Variants in SMIM24 observed in about 807,000 individuals in gnomAD.
SMIM24 encodes the protein small integral membrane protein 24, also known as MAP17-related dimer.
SMIM24 carries 6 observed loss-of-function variants against 10.8 expected under a neutral mutation model. The observed-to-expected ratio is 0.55, with a 90% confidence interval of 0.30 to 1.09. The LOEUF is 1.09. SMIM24 is among the 50% of genes least tolerant of loss of function. The pLI, the probability that SMIM24 is intolerant of heterozygous loss-of-function variation, is 0.06. For synonymous variants in SMIM24, 71 were observed against 62.4 expected (o/e 1.14, Z -0.65); for missense variants, 151 against 153.4 (o/e 0.98, Z 0.08).
At chr19:3,476,640 G>T (rs1294245160) in intron 3 of SMIM24, among the ~76,000 whole-genome samples, 1 of 152,124 alleles carries the variant, frequency 6.6e-6, no homozygotes, top group Non-Finnish European at 1.5e-5. Flanking sequence ...GGCACATCTT[G>T]GACTCAGCTG....
intron 1 of SMIM24, 125 bp downstream of exon 1, chr19:3,480,272 T>C: frequency 9.6e-7 from 1 of 1,038,726 alleles, no homozygotes; most frequent in Non-Finnish European, 1.4e-6. Context: ...GAGAAGGGCC[T>C]CCAAGCCACT....
intron 1 of SMIM24, among the ~76,000 whole-genome samples, chr19:3,479,714 T>A (rs1260113290): frequency 5.2e-4 from 34 of 65,918 alleles, no homozygotes; most frequent in African/African-American, 2.2e-3. Context: ...GCTTGTGAAC[T>A]AGGGGGCTCA....
At chr19:3,476,293 T>G (rs567071884) in intron 3 of SMIM24, among the ~76,000 whole-genome samples, 1 of 151,738 alleles carries the variant, frequency 6.6e-6, no homozygotes, top group African/African-American at 2.4e-5. Context: ...GATAGACTGA[T>G]GGATGGACAG....
chr19:3,475,216 T>G (rs1234463776), intron 3 of SMIM24, among the ~76,000 whole-genome samples: 1 of 152,016 alleles, frequency 6.6e-6, no homozygotes, highest in Non-Finnish European at 1.5e-5. Flanking sequence ...GATGGATGGA[T>G]GGACATAAGC....
In SMIM24 at chr19:3,477,464, A is replaced by T. The variant is rs574800226; in HGVS notation, c.239+955T>A. 5.3e-5 allele frequency among the ~76,000 whole-genome samples: 7 copies of T among 131,072 alleles called. No individual in the cohort carries two copies. In the East Asian group the frequency reaches 1.1e-3, roughly 20 times the overall value. 86.0% of individuals were successfully genotyped at this position (131,072 alleles called of 152,430 possible). A position where few individuals can be genotyped will look rare whatever the true frequency, so the allele number is the denominator to read the frequency against. ...GGTGGGCAGCTGGGTGAGTGAACAGATGGGTGATGAATGGATGATGGATGG... is the reference window on the plus strand; with the variant it reads ...GGTGGGCAGCTGGGTGAGTGAACAGTTGGGTGATGAATGGATGATGGATGG... On this transcript the variant is annotated intron_variant, in intron 3 of 3. Transcript: ENST00000215531.
In SMIM24 at chr19:3,480,477, G is replaced by A. The variant is rs1464055453; in HGVS notation, c.-14C>T. ...CAGGGTCTCCATGACGGTCGAGTGA[G>A]CCAGCAGCCAGCCAGCGGCGGTCCC... On this transcript the variant is annotated 5_prime_UTR_variant, in exon 1 of 4. Coordinates refer to ENST00000215531, the MANE Select transcript of SMIM24 (RefSeq NM_001136503.2). 1.3e-6 allele frequency: 2 copies of A among 1,548,556 alleles called. No homozygotes were observed. Among genetic ancestry groups the A allele is most frequent in the East Asian group, 2.5e-5 (1 of 40,814 alleles).
At chr19:3,479,561 G>C (rs1385141705) in intron 1 of SMIM24, among the ~76,000 whole-genome samples, 1 of 150,850 alleles carries the variant, frequency 6.6e-6, no homozygotes, top group East Asian at 2.0e-4. Context: ...AAAGGCGGCA[G>C]AGGCTCAGGA....
At chr19:3,475,269 C>A (rs553003287) in intron 3 of SMIM24, among the ~76,000 whole-genome samples, 5 of 151,668 alleles carry the variant, frequency 3.3e-5, no homozygotes, top group African/African-American at 7.3e-5. Context: ...TTACTCCTGG[C>A]AAAGGAGGCT....
rs1205909183 is a variant in SMIM24 at position 3,480,413 on chromosome 19, CG to C, written c.50del (p.Pro17ArgfsTer12). The C allele has an allele frequency of 1.3e-6, 2 of 1,548,970 alleles. No homozygotes were observed. The highest frequency in any genetic ancestry group is 1.7e-6 in the Non-Finnish European group (2 of 1,146,344). On this transcript the variant is annotated frameshift_variant, in exon 1 of 4. Transcript: ENST00000215531. LOFTEE classifies it high-confidence loss of function. ...TGCACCTACCCTGCTGGGCCTCCAC[CG>C]GGGAGAGGAGCAGAAACTCCAGCAC... ...LLVLEFLLLS[P>X]VEAQQATEHR...
intron 2 of SMIM24, 131 bp downstream of exon 2, chr19:3,478,687 A>T (rs1230284236): frequency 2.4e-6 from 2 of 840,244 alleles, no homozygotes; most frequent in African/African-American, 3.5e-5. Context: ...CTGAGAGTAG[A>T]GGTTGGAGGA....
At chr19:3,476,075 G>A (rs530311841) in intron 3 of SMIM24, among the ~76,000 whole-genome samples, 3 of 152,230 alleles carry the variant, frequency 2.0e-5, no homozygotes, top group South Asian at 4.2e-4. Context: ...ATAGATGGAT[G>A]TATAGATCAA....
Position 3,480,476 on chromosome 19 carries a change from A to G in SMIM24, c.-13T>C. On this transcript the variant is annotated 5_prime_UTR_variant, in exon 1 of 4. Coordinates refer to ENST00000215531, the MANE Select transcript of SMIM24 (RefSeq NM_001136503.2). Reference sequence around the variant, plus strand: ...CCAGGGTCTCCATGACGGTCGAGTGAGCCAGCAGCCAGCCAGCGGCGGTCC... The same window carrying G: ...CCAGGGTCTCCATGACGGTCGAGTGGGCCAGCAGCCAGCCAGCGGCGGTCC... 1 of 1,548,174 alleles carries G rather than the reference A, an allele frequency of 6.5e-7. No individual in the cohort carries two copies.
Position 3,474,836 on chromosome 19 carries a change from G to A in SMIM24, c.*7C>T, listed in dbSNP as rs1468481837. 4 of 1,550,282 alleles carry A rather than the reference G, an allele frequency of 2.6e-6. No homozygotes were observed. In the South Asian group the frequency reaches 4.8e-5, roughly 18 times the overall value. On this transcript the variant is annotated 3_prime_UTR_variant, in exon 4 of 4. Coordinates refer to ENST00000215531, the MANE Select transcript of SMIM24 (RefSeq NM_001136503.2). ...GGGGACTGCCTGGAAGAGGCAGCCA[G>A]GAATCTTCACATGACTGTGCTCTTT...
At chr19:3,475,141 C>T (rs1326952169) in intron 3 of SMIM24, 145 bp from the exon 4 acceptor site, 3 of 961,426 alleles carry the variant, frequency 3.1e-6, no homozygotes, top group Non-Finnish European at 4.5e-6. Context: ...TACGCGGCCT[C>T]ACGATTTCCA....
At chr19:3,479,735 G>A (rs2082809688) in intron 1 of SMIM24, among the ~76,000 whole-genome samples, 2 of 145,876 alleles carry the variant, frequency 1.4e-5, no homozygotes, top group South Asian at 4.5e-4. Context: ...GAGTGGGAGG[G>A]GCTTGTAGAG....
intron 1 of SMIM24, 26 bp downstream of exon 1, chr19:3,480,370 CG>C: frequency 6.8e-7 from 1 of 1,481,338 alleles, no homozygotes; most frequent in Non-Finnish European, 9.1e-7. Context: ...TATCCCGCGA[CG>C]CCCCCTCCCG....
At position 3,480,519 on chromosome 19, in the gene SMIM24, GT is replaced by G; in HGVS notation, c.-57del. ...GGCGGTCCCGGGTCGGCGTCCACAG[GT>G]TTGGTGTGGGCGAGGCCCTGCCTCC... is the stretch of plus-strand genomic sequence containing the variant. On this transcript the variant is annotated 5_prime_UTR_variant, in exon 1 of 4. Transcript: ENST00000215531. 6.6e-7 allele frequency: 1 copy of G among 1,523,288 alleles called. No homozygotes were observed. Among genetic ancestry groups the G allele is most frequent in the Non-Finnish European group, 8.9e-7 (1 of 1,124,810 alleles). The allele number at this position is 1,523,288 out of a possible 1,614,324, so 94.4% of individuals were successfully genotyped here.
At position 3,474,494 on chromosome 19, in the gene SMIM24, T is replaced by G; in HGVS notation, c.*349A>C. 3.6e-6 allele frequency: 1 copy of G among 275,620 alleles called. No homozygotes were observed. Among genetic ancestry groups the G allele is most frequent in the Non-Finnish European group, 6.9e-6 (1 of 145,804 alleles). 17.1% of individuals were successfully genotyped at this position (275,620 alleles called of 1,614,324 possible). A position where few individuals can be genotyped will look rare whatever the true frequency, so the allele number is the denominator to read the frequency against. On this transcript the variant is annotated 3_prime_UTR_variant, in exon 4 of 4. Transcript: ENST00000215531. ...GTGCATGGGAGAGGGGAAGTTCTGT[T>G]CAGTAGACATCAGGCAGAGAGAAAA... is the stretch of plus-strand genomic sequence containing the variant.
Position 3,478,136 on chromosome 19 carries a change from G to A in SMIM24, c.239+283C>T, listed in dbSNP as rs560240817. 1.1e-4 allele frequency among the ~76,000 whole-genome samples: 17 copies of A among 152,270 alleles called. No individual in the cohort carries two copies. In the South Asian group the frequency reaches 2.3e-3, roughly 20 times the overall value. On this transcript the variant is annotated intron_variant, in intron 3 of 3. Coordinates refer to ENST00000215531, the MANE Select transcript of SMIM24 (RefSeq NM_001136503.2). ...TGCCTACACAACTGGAAGGCACCAC[G>A]TAATGTCTCAAAATTAGTGAACAAC... is the stretch of plus-strand genomic sequence containing the variant.
Sources: gnomAD v4.1 joint callset for allele counts (sites outside exome capture counted in the v4.1 genomes callset) on GRCh38, gnomAD v4.1.1 for gene constraint, MANE v1.5 for transcripts, NCBI Gene and HGNC (gene_info 2026-07-23, HGNC 2026-07-21) for gene names.